The following KCNC1 variants were observed in gnomAD, a reference collection of about 807,000 sequenced individuals.
The protein encoded by KCNC1 is voltage-gated potassium channel KCNC1.
Under a neutral mutation model 43.4 loss-of-function variants are expected in KCNC1, and 8 were observed. The ratio of observed to expected loss-of-function variants is 0.18; its 90% CI spans 0.11 to 0.33. The LOEUF is 0.33. KCNC1 is among the 10% of genes least tolerant of loss of function. KCNC1 has a pLI of 1.00. For synonymous variants in KCNC1, 361 were observed against 360.5 expected, an observed-to-expected ratio of 1.00 and a Z score of -0.01; for missense variants, 420 against 836.0, an observed-to-expected ratio of 0.50 and a Z score of 6.14.
chr11:17,759,886 A>T (rs983365931), intron 1 of KCNC1, among the ~76,000 whole-genome samples: 2 of 152,364 alleles, frequency 1.3e-5, no homozygotes, highest in East Asian at 1.9e-4. Context: ...AAGTGAGCAT[A>T]TGCTGTTGGA....
Position 17,781,953 on chromosome 11 carries a change from A to T in KCNC1, c.*219A>T. On this transcript the variant is annotated 3_prime_UTR_variant, in exon 4 of 4. Transcript: ENST00000265969. This position sits in a 1 kb window ranked among gnomAD's most constrained non-coding sequence, Gnocchi z 5.1. ...CCTTCTTTTCATTTTTTAAAATTTTATTTTATTTGGGGAGGGGGGGTGGAG... is the reference window on the plus strand; with the variant it reads ...CCTTCTTTTCATTTTTTAAAATTTTTTTTTATTTGGGGAGGGGGGGTGGAG... 54 of 428,266 alleles carry T rather than the reference A, an allele frequency of 1.3e-4. No homozygotes were observed. Among genetic ancestry groups the T allele is most frequent in the East Asian group, 5.3e-4 (14 of 26,488 alleles). 26.5% of individuals were successfully genotyped at this position (428,266 alleles called of 1,614,324 possible).
chr11:17,778,514 T>C (rs1849309920), intron 2 of KCNC1, among the ~76,000 whole-genome samples: 1 of 152,152 alleles, frequency 6.6e-6, no homozygotes, highest in Admixed American at 6.5e-5. Context: ...CATACATCCT[T>C]GTTGTGCCTG....
chr11:17,776,073 G>A lies in KCNC1; in HGVS notation c.1505-3383G>A. 1 of 985,488 alleles carries A rather than the reference G, an allele frequency of 1.0e-6. No homozygotes were observed. Among genetic ancestry groups the A allele is most frequent in the South Asian group, 4.7e-5 (1 of 21,290 alleles). 61.0% of individuals were successfully genotyped at this position (985,488 alleles called of 1,614,324 possible). On this transcript the variant is annotated intron_variant, in intron 2 of 3. Coordinates refer to ENST00000265969, the MANE Select transcript of KCNC1 (RefSeq NM_001112741.2). The surrounding 1 kb of genome is among the most constrained non-coding windows in gnomAD (Gnocchi z 4.4). ...CCCAGCTGCAGGGTCAGCAGCCTGT[G>A]GGCCCTGAGTGGGGTCTTTGTTGTC... is the stretch of plus-strand genomic sequence containing the variant.
intron 1 of KCNC1, among the ~76,000 whole-genome samples, chr11:17,764,876 C>T (rs1849131466): frequency 3.3e-5 from 5 of 152,110 alleles, no homozygotes; most frequent in Non-Finnish European, 7.4e-5. Flanking sequence ...AAACCCAACT[C>T]AACTGACAAT....
chr11:17,740,997 G>T (rs1347515843), intron 1 of KCNC1, among the ~76,000 whole-genome samples: 1 of 152,126 alleles, frequency 6.6e-6, no homozygotes, highest in African/African-American at 2.4e-5. Context: ...ATTATCAGGG[G>T]ATTCTAGGCA....
intron 1 of KCNC1, among the ~76,000 whole-genome samples, chr11:17,751,132 C>G (rs1848964483): frequency 6.6e-6 from 1 of 152,120 alleles, no homozygotes; most frequent in Admixed American, 6.6e-5. Context: ...CAGAAGAGAG[C>G]AAGTGGTAGA....
intron 1 of KCNC1, among the ~76,000 whole-genome samples, chr11:17,746,792 G>C (rs1440961643): frequency 1.3e-5 from 2 of 152,062 alleles, no homozygotes; most frequent in Non-Finnish European, 2.9e-5. Context: ...CTCTGCAAGA[G>C]CATAGCCCCT....
intron 1 of KCNC1, among the ~76,000 whole-genome samples, chr11:17,757,332 G>A (rs1243326943): frequency 6.6e-6 from 1 of 152,172 alleles, no homozygotes; most frequent in Non-Finnish European, 1.5e-5. Context: ...ATGTCTCAGG[G>A]GCATGTCCTG....
Position 17,776,496 on chromosome 11 carries a change from C to G in KCNC1, c.1505-2960C>G, listed in dbSNP as rs1849289657. ...AAAGCCAGCTGTGCTGACTGAGGGC[C>G]CAGCCTCGGGTTCTCCTTGCTCCAA... On this transcript the variant is annotated intron_variant, in intron 2 of 3. Coordinates refer to ENST00000265969, the MANE Select transcript of KCNC1 (RefSeq NM_001112741.2). This position sits in a 1 kb window ranked among gnomAD's most constrained non-coding sequence, Gnocchi z 4.4. The G allele has an allele frequency of 3.0e-6, 3 of 985,472 alleles. No individual in the cohort carries two copies. The highest frequency in any genetic ancestry group is 3.6e-6 in the Non-Finnish European group (3 of 829,962). The allele number at this position is 985,472 out of a possible 1,614,324, so 61.0% of individuals were successfully genotyped here. A position where few individuals can be genotyped will look rare whatever the true frequency, so the allele number is the denominator to read the frequency against.
chr11:17,737,507 C>G (rs930840840), intron 1 of KCNC1, among the ~76,000 whole-genome samples: 1 of 152,094 alleles, frequency 6.6e-6, no homozygotes, highest in Non-Finnish European at 1.5e-5. Context: ...CTCAGATGGC[C>G]TCTCTGGATC....
chr11:17,752,711 T>G (rs933115533), intron 1 of KCNC1, among the ~76,000 whole-genome samples: 4 of 152,236 alleles, frequency 2.6e-5, no homozygotes, highest in Admixed American at 1.3e-4. Context: ...TGTATGACCA[T>G]GGACAACTTA....
intron 1 of KCNC1, among the ~76,000 whole-genome samples, chr11:17,737,928 TG>T (rs77937368): frequency 0.17 from 26,074 of 151,828 alleles, 2,427 homozygotes; most frequent in South Asian, 0.25. Flanking sequence ...CAAGTGCCCA[TG>T]GGCAAAGAAA....
At chr11:17,757,185 A>G (rs1178599632) in intron 1 of KCNC1, among the ~76,000 whole-genome samples, 1 of 149,124 alleles carries the variant, frequency 6.7e-6, no homozygotes, top group Non-Finnish European at 1.5e-5. Context: ...TATGAGGATT[A>G]AAAAGGGTAA....
At position 17,779,333 on chromosome 11, in the gene KCNC1, G is replaced by C; in HGVS notation, c.1505-123G>C. On this transcript the variant is annotated intron_variant, in intron 2 of 3. Transcript: ENST00000265969. This position sits in a 1 kb window ranked among gnomAD's most constrained non-coding sequence, Gnocchi z 7.2. ...GCCCTCCTCGCTCCACAGCCTGCCC[G>C]CTTTTCCGTCCTCAGGGACGCTCAA... 2 of 749,546 alleles carry C rather than the reference G, an allele frequency of 2.7e-6. No homozygotes were observed. The highest frequency in any genetic ancestry group is 4.0e-6 in the Non-Finnish European group (2 of 499,222). 46.4% of individuals were successfully genotyped at this position (749,546 alleles called of 1,614,324 possible).
chr11:17,762,803 G>T (rs1404596134), intron 1 of KCNC1, among the ~76,000 whole-genome samples: 2 of 152,222 alleles, frequency 1.3e-5, no homozygotes, highest in Admixed American at 6.5e-5. Flanking sequence ...CTCCCTCACC[G>T]TGCTGCGCCT....
At chr11:17,756,715 G>C (rs1849026897) in intron 1 of KCNC1, among the ~76,000 whole-genome samples, 1 of 152,184 alleles carries the variant, frequency 6.6e-6, no homozygotes, top group African/African-American at 2.4e-5. Context: ...AAGCCATCAA[G>C]ACTGTCCTGC....
In KCNC1 at chr11:17,776,082, G is replaced by C. The variant is rs1836445529; in HGVS notation, c.1505-3374G>C. On this transcript the variant is annotated intron_variant, in intron 2 of 3. Coordinates refer to ENST00000265969, the MANE Select transcript of KCNC1 (RefSeq NM_001112741.2). The surrounding 1 kb of genome is among the most constrained non-coding windows in gnomAD (Gnocchi z 4.4). The stretch of plus-strand genomic sequence containing the variant: ...AGGGTCAGCAGCCTGTGGGCCCTGA[G>C]TGGGGTCTTTGTTGTCCTCAGGTGG... The C allele has an allele frequency of 1.0e-6, 1 of 985,386 alleles. No homozygotes were observed. The highest frequency in any genetic ancestry group is 6.1e-5 in the Admixed American group (1 of 16,268). The allele number at this position is 985,386 out of a possible 1,614,324, so 61.0% of individuals were successfully genotyped here.
At chr11:17,747,125 G>A (rs183730847) in intron 1 of KCNC1, among the ~76,000 whole-genome samples, 5 of 152,154 alleles carry the variant, frequency 3.3e-5, no homozygotes, top group African/African-American at 7.2e-5. Flanking sequence ...CTCACCTACC[G>A]TGGTCCCTGG....
intron 1 of KCNC1, among the ~76,000 whole-genome samples, chr11:17,768,614 G>GC (rs974163923): frequency 5.0e-5 from 5 of 99,878 alleles, no homozygotes; most frequent in South Asian, 2.5e-4. Flanking sequence ...GATGTTGGTG[G>GC]GGGGGGGGGC....
Sources: gnomAD v4.1 joint callset for allele counts (sites outside exome capture counted in the v4.1 genomes callset) on GRCh38, gnomAD v4.1.1 for gene constraint, Gnocchi (gnomAD v3.1) non-coding constraint, MANE v1.5 for transcripts, NCBI Gene and HGNC (gene_info 2026-07-23, HGNC 2026-07-21) for gene names.